The following CLSTN1 variants were observed in gnomAD, a reference collection of about 807,000 sequenced individuals.
The protein encoded by CLSTN1 is calsyntenin 1, also known as calsyntenin-1.
Under a neutral mutation model 108.3 loss-of-function variants are expected in CLSTN1, and 28 were observed. The observed-to-expected ratio is 0.26, with a 90% CI of 0.19 to 0.35. The LOEUF (loss-of-function observed/expected upper bound fraction) is 0.35. Ranked by LOEUF, CLSTN1 falls within the 10% of genes least tolerant of loss-of-function variation. The pLI, the probability that CLSTN1 is intolerant of heterozygous loss-of-function variation, is 1.00. For missense variants in CLSTN1, 1,157 were observed against 1,302.6 expected (o/e 0.89, Z 1.72); for synonymous variants, 524 against 534.9 (o/e 0.98, Z 0.28).
At chr1:9,771,826 C>A (rs1320759019) in intron 2 of CLSTN1, among the ~76,000 whole-genome samples, 3 of 152,036 alleles carry the variant, frequency 2.0e-5, no homozygotes, top group African/African-American at 7.2e-5. Context: ...TGTGATGTGG[C>A]GCCTAAACAG....
At position 9,730,283 on chromosome 1, in the gene CLSTN1, CAG is replaced by C. The variant is rs1650280260; in HGVS notation, c.*223_*224del. On this transcript the variant is annotated 3_prime_UTR_variant, in exon 19 of 19. Transcript: ENST00000377298. This position sits in a 1 kb window ranked among gnomAD's most constrained non-coding sequence, Gnocchi z 5.6. ...GCCCCTGTGCGAGCCGGATGGCGGC[CAG>C]AGAGGACGTGTCAGCTCCTCGTGGG... The C allele has an allele frequency of 1.7e-6, 1 of 588,344 alleles. No individual in the cohort carries two copies. The highest frequency in any genetic ancestry group is 1.9e-5 in the African/African-American group (1 of 53,746). The allele number at this position is 588,344 out of a possible 1,614,324, so 36.4% of individuals were successfully genotyped here.
At position 9,740,350 on chromosome 1, in the gene CLSTN1, G is replaced by A. The variant is rs144847602; in HGVS notation, c.1519+744C>T. On this transcript the variant is annotated intron_variant, in intron 10 of 18. Coordinates refer to ENST00000377298, the MANE Select transcript of CLSTN1 (RefSeq NM_001009566.3). ...GCTGGGATTATAGGTGTGAGACACC[G>A]CGCCTGGCCCACAGGCTTCTCAAAG... Among the ~76,000 whole-genome samples, 656 of 152,318 alleles carry A rather than the reference G, an allele frequency of 4.3e-3. 12 individuals carry two copies. The highest frequency in any genetic ancestry group is 0.043 in the East Asian group (223 of 5,190).
intron 1 of CLSTN1, among the ~76,000 whole-genome samples, chr1:9,802,103 T>C (rs1261994526): frequency 6.6e-6 from 1 of 152,090 alleles, no homozygotes; most frequent in African/African-American, 2.4e-5. Flanking sequence ...AGAGATTAAG[T>C]AAGATGTCCA....
chr1:9,733,812 G>A (rs1172640225), intron 15 of CLSTN1, among the ~76,000 whole-genome samples, 160 bp downstream of exon 15: 1 of 152,218 alleles, frequency 6.6e-6, no homozygotes. Context: ...GGAGACAGGA[G>A]TATGCGTGCA....
intron 2 of CLSTN1, among the ~76,000 whole-genome samples, chr1:9,762,519 C>T (rs989260138): frequency 4.6e-5 from 7 of 151,414 alleles, no homozygotes; most frequent in East Asian, 3.9e-4. Context: ...CACTTCTCCC[C>T]GCTGCACTCG....
In CLSTN1 at chr1:9,743,935, A is replaced by C. The variant is rs750583674; in HGVS notation, c.1305T>G (p.Pro435=). 3.0e-5 allele frequency: 48 copies of C among 1,614,070 alleles called. No individual in the cohort carries two copies. In the Admixed American group the frequency reaches 7.8e-4, roughly 26 times the overall value. ...CRLIFLFRQD[P]SEEKKYRPAE... is the part of the protein sequence containing the mutation. Reference sequence around the variant, plus strand: ...CAGGTCTGTATTTCTTCTCCTCAGAAGGATCCTGACGGAAGAGGAAGATCA... The same window carrying C: ...CAGGTCTGTATTTCTTCTCCTCAGACGGATCCTGACGGAAGAGGAAGATCA... The change falls in exon 9 of 19, where the codon CCT becomes CCG. Residue 435 remains proline (P), a synonymous_variant. Coordinates refer to ENST00000377298, the MANE Select transcript of CLSTN1 (RefSeq NM_001009566.3).
intron 10 of CLSTN1, 75 bp from the exon 11 acceptor site, chr1:9,737,629 G>A (rs1422916070): frequency 1.5e-6 from 2 of 1,310,186 alleles, no homozygotes; most frequent in Non-Finnish European, 2.2e-6. Context: ...TTGAAAACCA[G>A]GTTTGAAGCA....
rs1480726448 is a variant in CLSTN1, at chr1:9,733,470, A to G, written c.2358T>C (p.Leu786=). The change falls in exon 16 of 19, where the codon CTT becomes CTC. Residue 786 remains leucine (L), a synonymous_variant. Transcript: ENST00000377298. ...AGCAGATGAGCTTAAACTTCCGGTC[A>G]AGCAAGGACCTGGCATGCCAGTTCC... ...RYRNWHARSL[L]DRKFKLICSE... is the part of the protein sequence containing the mutation. 2 of 1,614,214 alleles carry G rather than the reference A, an allele frequency of 1.2e-6. No homozygotes were observed. The highest frequency in any genetic ancestry group is 2.2e-5 in the East Asian group (1 of 44,874).
chr1:9,783,632 GATCA>G (rs1243227256), intron 1 of CLSTN1, among the ~76,000 whole-genome samples: 1 of 151,910 alleles, frequency 6.6e-6, no homozygotes, highest in African/African-American at 2.4e-5. Context: ...GAGGCAGGTG[GATCA>G]CCTGAGGTCA....
intron 6 of CLSTN1, 36 bp downstream of exon 6, chr1:9,749,728 A>G: frequency 6.2e-7 from 1 of 1,612,586 alleles, no homozygotes; most frequent in Non-Finnish European, 8.5e-7. Flanking sequence ...CAGTTTTAAG[A>G]GCAGATGTGA....
intron 1 of CLSTN1, among the ~76,000 whole-genome samples, chr1:9,808,096 G>C (rs1231566532): frequency 6.6e-6 from 1 of 152,118 alleles, no homozygotes; most frequent in African/African-American, 2.4e-5. Flanking sequence ...TATCCACCAG[G>C]GTAGTGGTTC....
chr1:9,745,807 C>T (rs1160727696), intron 7 of CLSTN1, among the ~76,000 whole-genome samples: 3 of 130,720 alleles, frequency 2.3e-5, no homozygotes, highest in Non-Finnish European at 4.7e-5. Context: ...TCTCCTCTCT[C>T]GCCCAGGCTG....
intron 11 of CLSTN1, 114 bp from the exon 12 acceptor site, chr1:9,736,156 G>T: frequency 7.9e-7 from 1 of 1,265,102 alleles, no homozygotes; most frequent in Non-Finnish European, 1.1e-6. Context: ...GGACATGCGG[G>T]TTAGTTCATA....
Position 9,823,561 on chromosome 1 carries a change from A to G in CLSTN1, c.91+82T>C. 1 of 944,028 alleles carries G rather than the reference A, an allele frequency of 1.1e-6. No individual in the cohort carries two copies. Among genetic ancestry groups the G allele is most frequent in the East Asian group, 4.6e-5 (1 of 21,666 alleles). The allele number at this position is 944,028 out of a possible 1,614,324, so 58.5% of individuals were successfully genotyped here. A position where few individuals can be genotyped will look rare whatever the true frequency, so the allele number is the denominator to read the frequency against. ...GCCCTACTCCCGCACCCGGACCCGA[A>G]TCCCCGCACCGGGACCCGAATCCTG... On this transcript the variant is annotated intron_variant, in intron 1 of 18. Coordinates refer to ENST00000377298, the MANE Select transcript of CLSTN1 (RefSeq NM_001009566.3). The surrounding 1 kb of genome is among the most constrained non-coding windows in gnomAD (Gnocchi z 6.3).
intron 1 of CLSTN1, among the ~76,000 whole-genome samples, chr1:9,820,470 G>T (rs1655150761): frequency 1.3e-5 from 2 of 152,062 alleles, no homozygotes; most frequent in Non-Finnish European, 2.9e-5. Context: ...AGTGAGACAA[G>T]ATCGCGCCAT....
At chr1:9,816,293 C>A (rs1302945803) in intron 1 of CLSTN1, among the ~76,000 whole-genome samples, 1 of 152,046 alleles carries the variant, frequency 6.6e-6, no homozygotes, top group Non-Finnish European at 1.5e-5. Context: ...TGTGAAATGT[C>A]CAAAATAAGC....
intron 1 of CLSTN1, among the ~76,000 whole-genome samples, chr1:9,784,038 G>A (rs1653368245): frequency 6.6e-6 from 1 of 151,908 alleles, no homozygotes; most frequent in African/African-American, 2.4e-5. Flanking sequence ...TAGGCGTGGT[G>A]GCAGATGCCT....
At chr1:9,732,667 G>A (rs924581618) in intron 16 of CLSTN1, among the ~76,000 whole-genome samples, 1 of 152,250 alleles carries the variant, frequency 6.6e-6, no homozygotes, top group African/African-American at 2.4e-5. Flanking sequence ...GAGCGATGAA[G>A]CAGCTGCTGG....
chr1:9,773,675 C>A (rs567703881), intron 1 of CLSTN1, among the ~76,000 whole-genome samples: 2 of 152,184 alleles, frequency 1.3e-5, no homozygotes, highest in Admixed American at 6.5e-5. Context: ...CTGATGGCTA[C>A]GGGAAGACTA....
Sources: gnomAD v4.1 joint callset for allele counts (sites outside exome capture counted in the v4.1 genomes callset) on GRCh38, gnomAD v4.1.1 for gene constraint, Gnocchi (gnomAD v3.1) non-coding constraint, MANE v1.5 for transcripts, NCBI Gene and HGNC (gene_info 2026-07-23, HGNC 2026-07-21) for gene names.